Variants in GRIK2 observed in about 807,000 individuals in gnomAD.
GRIK2 encodes the protein glutamate ionotropic receptor kainate type subunit 2.
GRIK2 carries 32 observed loss-of-function variants against 100.3 expected under a neutral mutation model. The observed-to-expected ratio is 0.32, with a 90% CI of 0.24 to 0.43. The LOEUF is 0.43. GRIK2 is among the 20% of genes least tolerant of loss of function. The pLI, the probability that GRIK2 is intolerant of heterozygous loss-of-function variation, is 1.00. For synonymous variants in GRIK2, 417 were observed against 389.4 expected (o/e 1.07, Z -0.83); for missense variants, 843 against 1,114.9 (o/e 0.76, Z 3.47).
chr6:101,757,342 A>G (rs1274722268), intron 7 of GRIK2, among the ~76,000 whole-genome samples: 3 of 152,188 alleles, frequency 2.0e-5, no homozygotes, highest in Admixed American at 6.5e-5. Context: ...TCAGTTCTTC[A>G]TGGAAAACAA....
intron 14 of GRIK2, among the ~76,000 whole-genome samples, chr6:102,033,714 C>T (rs1355908871): frequency 6.6e-6 from 1 of 151,014 alleles, no homozygotes; most frequent in Non-Finnish European, 1.5e-5. Context: ...TATATTTTGC[C>T]ATTAAAATAA....
At chr6:101,572,815 ATTATTTATTTATTTATTTAT>A (rs3056164) in intron 2 of GRIK2, among the ~76,000 whole-genome samples, 1 of 109,852 alleles carries the variant, frequency 9.1e-6, no homozygotes, top group Non-Finnish European at 1.7e-5. Flanking sequence ...ATTGTTGTTT[ATTATTTATTTATTTATTTAT>A]TTATTTATTT....
intron 12 of GRIK2, among the ~76,000 whole-genome samples, chr6:101,903,092 G>A (rs1787989048): frequency 6.6e-6 from 1 of 151,918 alleles, no homozygotes; most frequent in East Asian, 1.9e-4. Flanking sequence ...TGGGAAGAAG[G>A]GAGAAAAGAG....
intron 10 of GRIK2, among the ~76,000 whole-genome samples, chr6:101,853,463 C>T (rs549164545): frequency 6.6e-6 from 1 of 152,292 alleles, no homozygotes; most frequent in African/African-American, 2.4e-5. Context: ...TGTGGAGCAA[C>T]AAAGCCTCTC....
At chr6:101,880,272 C>T (rs1236588685) in intron 11 of GRIK2, among the ~76,000 whole-genome samples, 2 of 152,004 alleles carry the variant, frequency 1.3e-5, no homozygotes, top group Non-Finnish European at 2.9e-5. Flanking sequence ...GCTAATTGGA[C>T]AGTTTGGGTC....
chr6:101,923,699 T>C (rs922937286), intron 12 of GRIK2, among the ~76,000 whole-genome samples: 1 of 152,056 alleles, frequency 6.6e-6, no homozygotes, highest in Admixed American at 6.6e-5. Context: ...GGCAGGCGGA[T>C]TGTCTGAGCT....
intron 12 of GRIK2, among the ~76,000 whole-genome samples, chr6:101,914,462 G>A (rs116121101): frequency 8.2e-4 from 124 of 151,526 alleles, no homozygotes; most frequent in African/African-American, 2.8e-3. Context: ...ATCCAAAATC[G>A]GCAAGGGGCT....
chr6:101,801,806 A>T lies in GRIK2; in HGVS notation c.1096-525A>T, dbSNP rs148257297. ...ATGAAGTATATCTTGATATGAAGTAATTATAATACATTTCCCTTGCCCTTA... is the reference window on the plus strand; with the variant it reads ...ATGAAGTATATCTTGATATGAAGTATTTATAATACATTTCCCTTGCCCTTA... On this transcript the variant is annotated intron_variant, in intron 8 of 16. Transcript: ENST00000369134. 2.1e-3 allele frequency among the ~76,000 whole-genome samples: 325 copies of T among 152,016 alleles called. 3 individuals carry two copies. The highest frequency in any genetic ancestry group is 9.7e-3 in the South Asian group (47 of 4,828).
intron 7 of GRIK2, among the ~76,000 whole-genome samples, chr6:101,747,815 G>A (rs371944279): frequency 1.8e-4 from 28 of 152,058 alleles, no homozygotes; most frequent in African/African-American, 6.3e-4. Context: ...CCATCTTTGA[G>A]GTCACAGCTC....
intron 2 of GRIK2, among the ~76,000 whole-genome samples, chr6:101,581,153 A>G (rs186123980): frequency 1.9e-4 from 28 of 146,806 alleles, no homozygotes; most frequent in Admixed American, 1.4e-3. Flanking sequence ...CAGAATTAAT[A>G]GGAGATATAT....
At chr6:101,583,225 T>TC (rs1172589975) in intron 2 of GRIK2, among the ~76,000 whole-genome samples, 1 of 152,066 alleles carries the variant, frequency 6.6e-6, no homozygotes, top group East Asian at 1.9e-4. Context: ...GGGAGTCGGC[T>TC]GGTGGAGGGA....
rs759389341 is a variant in GRIK2, at chr6:102,057,020, A to G, written c.2562+1440A>G. Among the ~76,000 whole-genome samples, 52 of 152,130 alleles carry G rather than the reference A, an allele frequency of 3.4e-4. 3 individuals are homozygous for G. Among genetic ancestry groups the G allele is most frequent in the South Asian group, 3.1e-3 (15 of 4,830 alleles). ...TGTGTCTAAGTACACTTTTTATGTTATAATCATTTTTAAAGTGTCAAAATG... is the reference window on the plus strand; with the variant it reads ...TGTGTCTAAGTACACTTTTTATGTTGTAATCATTTTTAAAGTGTCAAAATG... On this transcript the variant is annotated intron_variant, in intron 16 of 16. Transcript: ENST00000369134.
At chr6:101,917,991 T>C (rs908829550) in intron 12 of GRIK2, among the ~76,000 whole-genome samples, 1 of 151,654 alleles carries the variant, frequency 6.6e-6, no homozygotes, top group Non-Finnish European at 1.5e-5. Context: ...TAAGACAAAT[T>C]AATGTGAAAA....
chr6:101,600,740 T>C (rs1417621780), intron 2 of GRIK2, among the ~76,000 whole-genome samples: 2 of 151,832 alleles, frequency 1.3e-5, no homozygotes, highest in Non-Finnish European at 2.9e-5. Flanking sequence ...AAAATGTTAC[T>C]GATTTTTGTA....
At chr6:101,823,278 C>G (rs1782076478) in intron 10 of GRIK2, among the ~76,000 whole-genome samples, 3 of 152,100 alleles carry the variant, frequency 2.0e-5, no homozygotes, top group African/African-American at 7.2e-5. Flanking sequence ...GACCTAGACC[C>G]AGTACATTGT....
At chr6:101,463,974 A>T in intron 2 of GRIK2, among the ~76,000 whole-genome samples, 1 of 152,188 alleles carries the variant, frequency 6.6e-6, no homozygotes, top group East Asian at 1.9e-4. Flanking sequence ...TTACTGCAAG[A>T]ATTCCCTGGT....
At chr6:101,668,229 C>G (rs750273580) in intron 4 of GRIK2, among the ~76,000 whole-genome samples, 1 of 152,112 alleles carries the variant, frequency 6.6e-6, no homozygotes, top group Admixed American at 6.6e-5. Context: ...TCTTATTTCT[C>G]TAAGCCCCAA....
chr6:101,712,801 C>T (rs1038950104), intron 7 of GRIK2, among the ~76,000 whole-genome samples: 3 of 151,768 alleles, frequency 2.0e-5, no homozygotes, highest in African/African-American at 7.2e-5. Context: ...ATCTTATTTA[C>T]AGTTTCCAAT....
At chr6:101,394,799 G>C (rs1390674675) in intron 1 of GRIK2, among the ~76,000 whole-genome samples, 1 of 152,128 alleles carries the variant, frequency 6.6e-6, no homozygotes, top group Non-Finnish European at 1.5e-5. Context: ...TCAACTTCCA[G>C]TGGCCTTAAA....
Sources: gnomAD v4.1 joint callset for allele counts (sites outside exome capture counted in the v4.1 genomes callset) on GRCh38, gnomAD v4.1.1 for gene constraint, MANE v1.5 for transcripts, NCBI Gene and HGNC (gene_info 2026-07-23, HGNC 2026-07-21) for gene names.